SMG7: variants seen among roughly 807,000 people sequenced by gnomAD.
SMG7 encodes nonsense-mediated mRNA decay factor SMG7.
In SMG7, 34 loss-of-function variants were observed where a neutral mutation model predicts 148.2. The observed-to-expected ratio is 0.23, with a 90% CI of 0.17 to 0.31. The LOEUF is 0.31. SMG7 is among the 10% of genes least tolerant of loss of function. The pLI, the probability that SMG7 is intolerant of heterozygous loss-of-function variation, is 1.00. For synonymous variants in SMG7, 492 were observed against 515.1 expected (o/e 0.96, Z 0.61); for missense variants, 1,114 against 1,408.4 (o/e 0.79, Z 3.35).
At chr1:183,491,502 A>G (rs1316136068) in intron 1 of SMG7, among the ~76,000 whole-genome samples, 1 of 152,134 alleles carries the variant, frequency 6.6e-6, no homozygotes, top group African/African-American at 2.4e-5. Context: ...CATGTATAGA[A>G]TGTTACATAC....
intron 2 of SMG7, among the ~76,000 whole-genome samples, chr1:183,515,642 A>T (rs1017057287): frequency 5.4e-5 from 8 of 148,460 alleles, no homozygotes; most frequent in South Asian, 2.1e-4. Flanking sequence ...TCATTTCATG[A>T]TATTATTTCA....
chr1:183,537,076 T>G, intron 10 of SMG7, 69 bp from the exon 11 acceptor site: 1 of 1,096,218 alleles, frequency 9.1e-7, no homozygotes, highest in South Asian at 1.3e-5. Flanking sequence ...GATACCATTT[T>G]CATGGCTTAT....
chr1:183,545,087 C>T lies in SMG7; in HGVS notation c.2145C>T (p.His715=). ...GNQVQAGKQS[H]IPYSQQRPSG... ...AGGTGCAAGCTGGGAAACAGTCCCA[C>T]ATTCCTTACAGCCAGCAACGGCCCT... Residue 715 remains histidine (H), a synonymous_variant, in exon 16 of 23, where the codon CAC becomes CAT. Transcript: ENST00000688051. 4 of 1,614,156 alleles carry T rather than the reference C, an allele frequency of 2.5e-6. No homozygotes were observed. The highest frequency in any genetic ancestry group is 3.4e-6 in the Non-Finnish European group (4 of 1,180,012).
intron 18 of SMG7, among the ~76,000 whole-genome samples, chr1:183,548,345 T>TGTGGCTTTTATGCTAGA (rs1347047514): frequency 6.6e-5 from 10 of 152,210 alleles, no homozygotes; most frequent in African/African-American, 2.4e-4. Flanking sequence ...TTGCCTTTCT[T>TGTGGCTTTTATGCTAGA]GTGGCTTTTA....
Position 183,527,916 on chromosome 1 carries a change from TGTTTTTTGG to T in SMG7, c.485-32_485-24del. 6.7e-7 allele frequency: 1 copy of T among 1,496,088 alleles called. No individual in the cohort carries two copies. The allele number at this position is 1,496,088 out of a possible 1,614,324, so 92.7% of individuals were successfully genotyped here. On this transcript the variant is annotated intron_variant, in intron 5 of 22. Coordinates refer to ENST00000688051, the MANE Select transcript of SMG7 (RefSeq NM_001375584.1). This position sits in a 1 kb window ranked among gnomAD's most constrained non-coding sequence, Gnocchi z 4.0. ...GTTTTGGAAATACTACCCTACTGTTTGTTTTTTGGGTTTTTTAAAACTAATTTTCTTCTT... is the reference window on the plus strand; with the variant it reads ...GTTTTGGAAATACTACCCTACTGTTTGTTTTTTAAAACTAATTTTCTTCTT...
intron 4 of SMG7, 59 bp from the exon 5 acceptor site, chr1:183,526,536 TA>T: frequency 8.7e-7 from 1 of 1,155,434 alleles, no homozygotes; most frequent in Non-Finnish European, 1.3e-6. Flanking sequence ...TTACAGTTTA[TA>T]AACTTTACTT....
intron 18 of SMG7, among the ~76,000 whole-genome samples, chr1:183,548,331 A>G (rs774968278): frequency 2.6e-5 from 4 of 152,068 alleles, no homozygotes; most frequent in South Asian, 2.1e-4. Context: ...TTGCCTCTCT[A>G]TGTTTGCCTT....
intron 14 of SMG7, 71 bp from the exon 15 acceptor site, chr1:183,544,282 G>T (rs765771603): frequency 2.1e-5 from 25 of 1,216,346 alleles, no homozygotes; most frequent in Non-Finnish European, 2.9e-5. Flanking sequence ...ACTTTCTTAG[G>T]AGTAGGGTCT....
In SMG7 at chr1:183,499,464, A is replaced by G. The variant is rs1659276498; in HGVS notation, c.30-13373A>G. Among the ~76,000 whole-genome samples, 6 of 152,140 alleles carry G rather than the reference A, an allele frequency of 3.9e-5. No homozygotes were observed. The South Asian group carries it at 1.2e-3, about 31-fold the overall frequency. On this transcript the variant is annotated intron_variant, in intron 1 of 22. Transcript: ENST00000688051. ...TCTAATAGTGTAGTCGTAGATCATT[A>G]TTGTTTTAACTTGCATTTCCCTGAG...
intron 2 of SMG7, among the ~76,000 whole-genome samples, chr1:183,513,780 A>T (rs1662753721): frequency 6.6e-6 from 1 of 152,146 alleles, no homozygotes; most frequent in East Asian, 1.9e-4. Flanking sequence ...CTGTAATCCC[A>T]GCACTTTTGG....
intron 8 of SMG7, 79 bp downstream of exon 8, chr1:183,529,612 T>C: frequency 8.5e-7 from 1 of 1,182,886 alleles, no homozygotes; most frequent in Non-Finnish European, 1.2e-6. Flanking sequence ...ACTCCCAGTT[T>C]TTGTAGTTAC....
intron 1 of SMG7, among the ~76,000 whole-genome samples, chr1:183,510,107 A>G (rs962779275): frequency 2.6e-5 from 4 of 152,198 alleles, no homozygotes; most frequent in Non-Finnish European, 5.9e-5. Flanking sequence ...TAGATGCAGT[A>G]TATATCCTGA....
chr1:183,549,869 C>T lies in SMG7; in HGVS notation c.3079C>T (p.Leu1027=), dbSNP rs1376181653. ...SPSMAPQETS[L]YSLFEGTPWS... ...CTCAATGGCCCCCCAGGAAACATCT[C>T]TGTATTCCCTTTTTGAAGGGACTCC... The change falls in exon 20 of 23, where the codon CTG becomes TTG. Residue 1027 remains leucine, a synonymous_variant. Coordinates refer to ENST00000688051, the MANE Select transcript of SMG7 (RefSeq NM_001375584.1). The T allele has an allele frequency of 6.2e-7, 1 of 1,613,964 alleles. No individual in the cohort carries two copies. Among genetic ancestry groups the T allele is most frequent in the African/African-American group, 1.3e-5 (1 of 75,052 alleles).
At chr1:183,475,623 C>G (rs1651966310) in intron 1 of SMG7, among the ~76,000 whole-genome samples, 1 of 152,156 alleles carries the variant, frequency 6.6e-6, no homozygotes, top group Admixed American at 6.5e-5. Context: ...AAAATTGGTC[C>G]TTTTTGTAAG....
chr1:183,479,278 G>T (rs1571731397), intron 1 of SMG7, among the ~76,000 whole-genome samples: 1 of 151,982 alleles, frequency 6.6e-6, no homozygotes, highest in African/African-American at 2.4e-5. Flanking sequence ...ACTTATTGAC[G>T]ACTTGGTCCA....
intron 16 of SMG7, 101 bp downstream of exon 16, chr1:183,545,413 C>T: frequency 7.4e-7 from 1 of 1,350,084 alleles, no homozygotes; most frequent in Non-Finnish European, 1.0e-6. Flanking sequence ...ATACTTCTTG[C>T]TTAGATTTAT....
chr1:183,475,302 T>C (rs1651877702), intron 1 of SMG7, among the ~76,000 whole-genome samples: 1 of 152,172 alleles, frequency 6.6e-6, no homozygotes, highest in Non-Finnish European at 1.5e-5. Context: ...TATCAGGTGG[T>C]CACAAGCACT....
intron 16 of SMG7, 52 bp downstream of exon 16, chr1:183,545,364 T>C (rs1669746297): frequency 6.4e-7 from 1 of 1,555,928 alleles, no homozygotes; most frequent in Non-Finnish European, 8.7e-7. Flanking sequence ...GGGGAAATGC[T>C]GAAAGATTCA....
intron 1 of SMG7, 64 bp downstream of exon 1, chr1:183,472,713 A>G: frequency 1.5e-6 from 2 of 1,370,044 alleles, no homozygotes; most frequent in Non-Finnish European, 9.6e-7. Flanking sequence ...ATGGAGCAAC[A>G]GACACCGAGG....
Sources: allele counts gnomAD v4.1 joint callset (sites outside exome capture counted in the v4.1 genomes callset), GRCh38; gene constraint gnomAD v4.1.1; non-coding constraint Gnocchi (gnomAD v3.1); transcripts MANE v1.5; gene names NCBI Gene and HGNC (gene_info 2026-07-23, HGNC 2026-07-21).